Variants in ITGA2B observed in about 807,000 individuals in gnomAD.
The protein encoded by ITGA2B is integrin alpha-IIb.
A neutral mutation model predicts 142.0 loss-of-function variants in ITGA2B; 91 were observed. The observed-to-expected ratio is 0.64, with a 90% CI of 0.54 to 0.76. The LOEUF (loss-of-function observed/expected upper bound fraction) is 0.76, where lower values mean the gene tolerates loss of function less well. Among genes scored for constraint, ITGA2B ranks in the 30% least tolerant of loss-of-function variants. ITGA2B has a pLI of 0.00. For missense variants in ITGA2B, 1,231 were observed against 1,350.8 expected, an observed-to-expected ratio of 0.91 and a Z score of 1.39; for synonymous variants, 536 against 567.2, an observed-to-expected ratio of 0.94 and a Z score of 0.78.
chr17:44,386,047 G>T lies in ITGA2B; in HGVS notation c.273C>A (p.Ala91=). Residue 91 remains alanine (A), a synonymous_variant, in exon 2 of 30, where the codon GCC becomes GCA. Coordinates refer to ENST00000262407, the MANE Select transcript of ITGA2B (RefSeq NM_000419.5). Reference sequence around the variant, plus strand: ...GCAGCGAGGGGCACTGGCCGCCCTCGGCCCTCCAGGGGCACAGGAACACGC... The same window carrying T: ...GCAGCGAGGGGCACTGGCCGCCCTCTGCCCTCCAGGGGCACAGGAACACGC... ...TGGVFLCPWR[A]EGGQCPSLLF... The T allele has an allele frequency of 6.2e-7, 1 of 1,612,938 alleles. No homozygotes were observed. The highest frequency in any genetic ancestry group is 8.5e-7 in the Non-Finnish European group (1 of 1,179,912).
chr17:44,384,701 A>G lies in ITGA2B; in HGVS notation c.800-116T>C, dbSNP rs76668555. 2.3e-4 allele frequency: 311 copies of G among 1,365,504 alleles called. 1 individual carries two copies. The African/African-American group carries it at 3.7e-3, about 16-fold the overall frequency. The allele number at this position is 1,365,504 out of a possible 1,614,324, so 84.6% of individuals were successfully genotyped here. On this transcript the variant is annotated intron_variant, in intron 7 of 29. Transcript: ENST00000262407. Reference sequence around the variant, plus strand: ...CCCAGCCCTGCATTGTGCAGATGGAAAAACGGAGGCCTTCGAGGGGCCAAG... The same window carrying G: ...CCCAGCCCTGCATTGTGCAGATGGAGAAACGGAGGCCTTCGAGGGGCCAAG...
At chr17:44,384,456 T>C (rs1436152849) in intron 8 of ITGA2B, 82 bp downstream of exon 8, 1 of 1,609,286 alleles carries the variant, frequency 6.2e-7, no homozygotes, top group Non-Finnish European at 8.5e-7. Flanking sequence ...TGCAGGAAGA[T>C]TTCCCTACAT....
chr17:44,385,821 C>G lies in ITGA2B; in HGVS notation c.408+3G>C. On this transcript the variant is annotated splice_donor_region_variant and intron_variant, in intron 3 of 29. Coordinates refer to ENST00000262407, the MANE Select transcript of ITGA2B (RefSeq NM_000419.5). ...TCCCTGTGCCCTGTACCGCGGGGCC[C>G]ACCACAATGACGTCGCTCCAGCTGA... is the stretch of plus-strand genomic sequence containing the variant. The G allele has an allele frequency of 1.2e-6, 2 of 1,604,794 alleles. No individual in the cohort carries two copies. The highest frequency in any genetic ancestry group is 1.7e-6 in the Non-Finnish European group (2 of 1,175,386).
At chr17:44,379,550 G>A in intron 18 of ITGA2B, 139 bp downstream of exon 18, 4 of 1,366,272 alleles carry the variant, frequency 2.9e-6, no homozygotes, top group Non-Finnish European at 4.1e-6. Flanking sequence ...CACCATGACT[G>A]GCTGGATTTT....
intron 12 of ITGA2B, 68 bp downstream of exon 12, chr17:44,383,425 G>T: frequency 6.8e-7 from 1 of 1,474,882 alleles, no homozygotes; most frequent in Non-Finnish European, 9.2e-7. Flanking sequence ...CTGCCCTCAG[G>T]CCAACTCCAT....
chr17:44,378,323 C>G (rs2048562460), intron 20 of ITGA2B, 39 bp downstream of exon 20: 1 of 1,590,960 alleles, frequency 6.3e-7, no homozygotes, highest in South Asian at 1.1e-5. Flanking sequence ...TCCAGTGCCT[C>G]CCAGGTCCCG....
chr17:44,384,187 C>T (rs1194092202), intron 9 of ITGA2B, 49 bp from the exon 10 acceptor site: 1 of 1,608,438 alleles, frequency 6.2e-7, no homozygotes, highest in Non-Finnish European at 8.5e-7. Context: ...CCAAAGCAAC[C>T]TCCCACTCCA....
rs776819980 is a variant in ITGA2B, at chr17:44,389,490, C to T, written c.-17G>A. 1.9e-6 allele frequency: 3 copies of T among 1,612,528 alleles called. No individual in the cohort carries two copies. Among genetic ancestry groups the T allele is most frequent in the Non-Finnish European group, 2.5e-6 (3 of 1,179,820 alleles). Reference sequence around the variant, plus strand: ...TCTGGCCATCTTCCTTCTTCCACAACCTCCCAGGCAGGAATGGGCCAGCTC... The same window carrying T: ...TCTGGCCATCTTCCTTCTTCCACAATCTCCCAGGCAGGAATGGGCCAGCTC... On this transcript the variant is annotated 5_prime_UTR_variant, in exon 1 of 30. Transcript: ENST00000262407.
intron 1 of ITGA2B, among the ~76,000 whole-genome samples, chr17:44,386,536 G>A (rs1598383788): frequency 6.6e-6 from 1 of 152,198 alleles, no homozygotes; most frequent in African/African-American, 2.4e-5. Context: ...CTTGAGAGCT[G>A]GTTTTAATGA....
At chr17:44,374,550 C>T in intron 28 of ITGA2B, 80 bp from the exon 29 acceptor site, 1 of 1,525,162 alleles carries the variant, frequency 6.6e-7, no homozygotes, top group Non-Finnish European at 9.1e-7. Context: ...CTGGTGACCT[C>T]CAGCCATGCC....
rs1174805526 is a variant in ITGA2B, at chr17:44,386,106, G to A, written c.214C>T (p.Arg72Trp). The A allele has an allele frequency of 1.2e-6, 2 of 1,604,540 alleles. No homozygotes were observed. The highest frequency in any genetic ancestry group is 1.7e-6 in the Non-Finnish European group (2 of 1,177,528). ...GRVAIVVGAP[R>W]TLGPSQEETG... ...TCCTCCTGGCTGGGGCCCAGGGTCCGCGGGGCGCCCACCACGATGGCCACT... is the reference window on the plus strand; with the variant it reads ...TCCTCCTGGCTGGGGCCCAGGGTCCACGGGGCGCCCACCACGATGGCCACT... Residue 72 changes from arginine (R) to tryptophan (W), a missense_variant, in exon 2 of 30, where the codon CGG becomes TGG. Arg to Trp is a moderately radical substitution (Grantham distance 101). Transcript: ENST00000262407.
At chr17:44,374,201 G>A in intron 29 of ITGA2B, 153 bp downstream of exon 29, 1 of 760,180 alleles carries the variant, frequency 1.3e-6, no homozygotes, top group Non-Finnish European at 2.4e-6. Flanking sequence ...CCACCCCACT[G>A]GACCGAGAAT....
intron 6 of ITGA2B, 29 bp from the exon 7 acceptor site, chr17:44,385,105 G>A (rs755786812): frequency 3.1e-6 from 5 of 1,614,140 alleles, no homozygotes; most frequent in Non-Finnish European, 4.2e-6. Context: ...CGGGTGTGAA[G>A]CCCAAAGCGG....
chr17:44,383,873 G>A (rs1465388661), intron 11 of ITGA2B, 21 bp downstream of exon 11: 1 of 1,612,708 alleles, frequency 6.2e-7, no homozygotes, highest in Admixed American at 1.7e-5. Context: ...CTGGGTAGGG[G>A]TGGGGCATGT....
At chr17:44,372,475 C>G in intron 29 of ITGA2B, 52 bp from the exon 30 acceptor site, 2 of 1,554,844 alleles carry the variant, frequency 1.3e-6, no homozygotes, top group South Asian at 2.2e-5. Context: ...TTGCTGGCCC[C>G]AGAGCACATG....
At chr17:44,386,153 G>A (rs2048647711) in intron 1 of ITGA2B, 22 bp from the exon 2 acceptor site, 1 of 1,572,674 alleles carries the variant, frequency 6.4e-7, no homozygotes, top group Admixed American at 1.8e-5. Context: ...AGCTGGGTGA[G>A]CGCCGCGCAG....
At chr17:44,382,517 T>G (rs938481562) in intron 12 of ITGA2B, among the ~76,000 whole-genome samples, 10 of 152,190 alleles carry the variant, frequency 6.6e-5, no homozygotes, top group Non-Finnish European at 1.3e-4. Flanking sequence ...TATTTTTTTT[T>G]TTATTTTGTT....
chr17:44,378,901 G>A (rs1044357591), intron 18 of ITGA2B, among the ~76,000 whole-genome samples, 191 bp from the exon 19 acceptor site: 1 of 152,086 alleles, frequency 6.6e-6, no homozygotes, highest in Admixed American at 6.5e-5. Context: ...CAATGTCAGG[G>A]TTTGTCAATT....
At chr17:44,388,445 C>T (rs2048669237) in intron 1 of ITGA2B, among the ~76,000 whole-genome samples, 1 of 150,214 alleles carries the variant, frequency 6.7e-6, no homozygotes, top group African/African-American at 2.5e-5. Context: ...CAACCTCTGC[C>T]TCTCAGGTTC....
Sources: allele counts gnomAD v4.1 joint callset (sites outside exome capture counted in the v4.1 genomes callset), GRCh38; gene constraint gnomAD v4.1.1; transcripts MANE v1.5; gene names NCBI Gene and HGNC (gene_info 2026-07-23, HGNC 2026-07-21).